RGSL1: variants seen among roughly 807,000 people sequenced by gnomAD.
RGSL1 encodes the protein regulator of G protein signaling like 1, also known as regulator of G protein signaling protein-like.
A neutral mutation model predicts 124.7 loss-of-function variants in RGSL1; 97 were observed. The observed-to-expected ratio is 0.78, with a 90% CI of 0.66 to 0.92. The LOEUF (loss-of-function observed/expected upper bound fraction) is 0.92. Among genes scored for constraint, RGSL1 ranks in the 40% least tolerant of loss-of-function variants. The pLI is 0.00. For missense variants in RGSL1, 1,233 were observed against 1,288.4 expected (o/e 0.96, Z 0.66); for synonymous variants, 424 against 438.1 (o/e 0.97, Z 0.40).
In RGSL1 at chr1:182,474,230, C is replaced by T. The variant is rs1558263282; in HGVS notation, c.1119C>T (p.Ala373=). The T allele has an allele frequency of 2.2e-5, 34 of 1,551,816 alleles. No homozygotes were observed. The highest frequency in any genetic ancestry group is 2.6e-5 in the Non-Finnish European group (30 of 1,147,028). Residue 373 remains alanine (A), a synonymous_variant, in exon 6 of 22, where the codon GCC becomes GCT. Transcript: ENST00000294854. ...QSFSLGYIHL[A]LCADACAGNP... Reference sequence around the variant, plus strand: ...TCTCCTTAGGATACATCCACTTGGCCTTGTGTGCTGATGCCTGTGCAGGGA... The same window carrying T: ...TCTCCTTAGGATACATCCACTTGGCTTTGTGTGCTGATGCCTGTGCAGGGA...
intron 6 of RGSL1, among the ~76,000 whole-genome samples, chr1:182,477,260 C>T (rs1415359620): frequency 1.3e-5 from 2 of 152,160 alleles, no homozygotes; most frequent in African/African-American, 4.8e-5. Flanking sequence ...AGCCTCATCT[C>T]CTGTGGACTC....
intron 1 of RGSL1, among the ~76,000 whole-genome samples, chr1:182,451,839 G>A (rs1331222102): frequency 6.6e-6 from 1 of 151,798 alleles, no homozygotes; most frequent in Admixed American, 6.6e-5. Context: ...CAGAAGTCTA[G>A]GTGAGAGAGC....
At chr1:182,465,103 G>T (rs1653182843) in intron 4 of RGSL1, among the ~76,000 whole-genome samples, 1 of 146,288 alleles carries the variant, frequency 6.8e-6, no homozygotes. Context: ...TAAAGTGAAA[G>T]TGGGGACATT....
At chr1:182,522,443 G>A (rs146799412) in intron 10 of RGSL1, among the ~76,000 whole-genome samples, 1 of 152,042 alleles carries the variant, frequency 6.6e-6, no homozygotes, top group African/African-American at 2.4e-5. Flanking sequence ...GCTATAAATA[G>A]TATCACAATA....
Position 182,474,289 on chromosome 1 carries a change from T to G in RGSL1, c.1178T>G (p.Leu393Trp). Reference protein sequence around the residue: ...PFRDHLKKLNLKVEIQLLDLW... With the variant: ...PFRDHLKKLNWKVEIQLLDLW... Reference sequence around the variant, plus strand: ...CGGGACCACCTGAAGAAGCTGAATTTGAAAGTGGAGATCCAACTTCTTGAC... The same window carrying G: ...CGGGACCACCTGAAGAAGCTGAATTGGAAAGTGGAGATCCAACTTCTTGAC... Residue 393 changes from leucine to tryptophan, a missense_variant, in exon 6 of 22, where the codon TTG (leucine) becomes TGG (tryptophan). Coordinates refer to ENST00000294854, the MANE Select transcript of RGSL1 (RefSeq NM_001137669.2). 1.3e-6 allele frequency: 2 copies of G among 1,551,786 alleles called. No individual in the cohort carries two copies. The highest frequency in any genetic ancestry group is 1.7e-6 in the Non-Finnish European group (2 of 1,147,000).
At chr1:182,469,371 C>A (rs1653626445) in intron 4 of RGSL1, among the ~76,000 whole-genome samples, 1 of 152,054 alleles carries the variant, frequency 6.6e-6, no homozygotes, top group African/African-American at 2.4e-5. Context: ...ACAAAACATT[C>A]CTCCAAAGAA....
At chr1:182,498,121 G>A (rs1314280653) in intron 9 of RGSL1, among the ~76,000 whole-genome samples, 1 of 152,006 alleles carries the variant, frequency 6.6e-6, no homozygotes, top group South Asian at 2.1e-4. Context: ...TTAAAATTAT[G>A]TAAATATCTC....
At chr1:182,467,203 A>G (rs1251386406) in intron 4 of RGSL1, among the ~76,000 whole-genome samples, 2 of 152,206 alleles carry the variant, frequency 1.3e-5, no homozygotes, top group Admixed American at 1.3e-4. Flanking sequence ...AAGGTAATTT[A>G]TAGATTCAAT....
chr1:182,460,202 A>G, intron 4 of RGSL1, 69 bp downstream of exon 4: 4 of 1,475,592 alleles, frequency 2.7e-6, no homozygotes, highest in Non-Finnish European at 3.6e-6. Context: ...ATAGGAAGTC[A>G]CACTTCATAA....
rs143123035 is a variant in RGSL1 at position 182,496,517 on chromosome 1, C to T, written c.1825+3388C>T. On this transcript the variant is annotated intron_variant, in intron 9 of 21. Transcript: ENST00000294854. ...TTGCTGCAGATAACATGGCCTTACT[C>T]CAGAAATTTACGGATCTATTTCAAG... Among the ~76,000 whole-genome samples the T allele has an allele frequency of 3.6e-4, 55 of 152,242 alleles. 1 individual carries two copies. Among genetic ancestry groups the T allele is most frequent in the African/African-American group, 1.3e-3 (52 of 41,538 alleles).
Position 182,530,362 on chromosome 1 carries a change from G to A in RGSL1, c.2243+1G>A. The stretch of plus-strand genomic sequence containing the variant: ...TTATGAAATCTATAGAAGAAAAGTG[G>A]TGAGTATACTCAATTAAGGAAAGGA... On this transcript the variant is annotated splice_donor_variant, in intron 12 of 21. Transcript: ENST00000294854. LOFTEE classifies it high-confidence loss of function. 1 of 1,546,772 alleles carries A rather than the reference G, an allele frequency of 6.5e-7. No homozygotes were observed. Among genetic ancestry groups the A allele is most frequent in the African/African-American group, 1.4e-5 (1 of 72,998 alleles).
intron 9 of RGSL1, among the ~76,000 whole-genome samples, chr1:182,509,536 G>C (rs1571607432): frequency 9.3e-6 from 1 of 107,584 alleles, no homozygotes; most frequent in South Asian, 3.1e-4. Context: ...GGCCGGGTGG[G>C]GGGGCTGACG....
Position 182,489,066 on chromosome 1 carries a change from G to A in RGSL1, c.1581G>A (p.Gln527=). ...ACATTCTTCTTTATAAGAGGATTCA[G>A]CAGTCTCTAGAGTTAAGCCAGGCTT... ...EENILLYKRI[Q]QSLELSQALA... Residue 527 remains glutamine, a synonymous_variant, in exon 8 of 22, where the codon CAG becomes CAA. Coordinates refer to ENST00000294854, the MANE Select transcript of RGSL1 (RefSeq NM_001137669.2). The A allele has an allele frequency of 6.4e-7, 1 of 1,551,640 alleles. No homozygotes were observed. Among genetic ancestry groups the A allele is most frequent in the Non-Finnish European group, 8.7e-7 (1 of 1,146,996 alleles).
intron 4 of RGSL1, among the ~76,000 whole-genome samples, chr1:182,469,201 G>T (rs577541693): frequency 1.3e-5 from 2 of 152,066 alleles, no homozygotes; most frequent in South Asian, 2.1e-4. Context: ...TGCATCAAAA[G>T]ATACTATCAA....
At chr1:182,470,022 TG>T (rs1653697385) in intron 4 of RGSL1, among the ~76,000 whole-genome samples, 1 of 149,700 alleles carries the variant, frequency 6.7e-6, no homozygotes, top group Non-Finnish European at 1.5e-5. Flanking sequence ...AAATAGGCAG[TG>T]ACTGTTTAAT....
intron 4 of RGSL1, chr1:182,471,243 G>A (rs910549135): frequency 6.6e-6 from 3 of 457,244 alleles, no homozygotes; most frequent in Non-Finnish European, 1.3e-5. Flanking sequence ...CAGGGGAAGA[G>A]TTCATTCTCC....
rs564017420 is a variant in RGSL1 at position 182,541,254 on chromosome 1, C to A, written c.2669+833C>A. On this transcript the variant is annotated intron_variant, in intron 15 of 21. Coordinates refer to ENST00000294854, the MANE Select transcript of RGSL1 (RefSeq NM_001137669.2). ...CTGTCTTCATCACCCCACCCCCTACCCTTCCCAGCTTCTGGTAACTACCTG... is the reference window on the plus strand; with the variant it reads ...CTGTCTTCATCACCCCACCCCCTACACTTCCCAGCTTCTGGTAACTACCTG... Among the ~76,000 whole-genome samples, 9 of 152,118 alleles carry A rather than the reference C, an allele frequency of 5.9e-5. 1 individual carries two copies. Among genetic ancestry groups the A allele is most frequent in the South Asian group, 2.1e-4 (1 of 4,830 alleles).
chr1:182,548,498 C>T (rs1311142074), intron 16 of RGSL1, 43 bp downstream of exon 16: 1 of 1,548,402 alleles, frequency 6.5e-7, no homozygotes, highest in East Asian at 2.4e-5. Context: ...CACCAAGAAG[C>T]ATTTCCCCCA....
intron 14 of RGSL1, among the ~76,000 whole-genome samples, chr1:182,538,628 G>A (rs1376197201): frequency 6.6e-6 from 1 of 152,156 alleles, no homozygotes; most frequent in Non-Finnish European, 1.5e-5. Flanking sequence ...AAAATTAAGT[G>A]TAGGAAGCAC....
Sources: gnomAD v4.1 joint callset for allele counts (sites outside exome capture counted in the v4.1 genomes callset) on GRCh38, gnomAD v4.1.1 for gene constraint, MANE v1.5 for transcripts, NCBI Gene and HGNC (gene_info 2026-07-23, HGNC 2026-07-21) for gene names.